Variants in DNAJB13 observed in about 807,000 individuals in gnomAD.
The protein encoded by DNAJB13 is DnaJ heat shock protein family (Hsp40) member B13.
A neutral mutation model predicts 35.6 loss-of-function variants in DNAJB13; 22 were observed. The observed-to-expected ratio is 0.62, with a 90% CI of 0.44 to 0.88. The LOEUF is 0.88. Among genes scored for constraint, DNAJB13 ranks in the 40% least tolerant of loss-of-function variants. The pLI is 0.00. For synonymous variants in DNAJB13, 136 were observed against 144.2 expected, an observed-to-expected ratio of 0.94 and a Z score of 0.41; for missense variants, 370 against 384.3, an observed-to-expected ratio of 0.96 and a Z score of 0.31.
rs1951108953 is a variant in DNAJB13, at chr11:73,966,153, G to C, written c.508G>C (p.Gly170Arg). The C allele has an allele frequency of 2.5e-6, 4 of 1,613,292 alleles. No homozygotes were observed. The highest frequency in any genetic ancestry group is 1.7e-6 in the Non-Finnish European group (2 of 1,179,764). Residue 170 changes from glycine to arginine, a missense_variant, in exon 5 of 8, where the codon GGG (glycine) becomes CGG (arginine). Gly to Arg is a moderately radical substitution (Grantham distance 125). Transcript: ENST00000339764. ...GTTGCTATAGGTGCTGAACGAGGAT[G>C]GGTACTCCTCCACCATCAAGGACAA... Reference protein sequence around the residue: ...KISRRVLNEDGYSSTIKDKIL... With the variant: ...KISRRVLNEDRYSSTIKDKIL...
At chr11:73,951,793 T>A (rs566824643) in intron 1 of DNAJB13, among the ~76,000 whole-genome samples, 5 of 152,222 alleles carry the variant, frequency 3.3e-5, no homozygotes, top group Admixed American at 2.0e-4. Context: ...ATTACAGGCA[T>A]GCACCACCAT....
rs1554992102 is a variant in DNAJB13, at chr11:73,964,815, G to GCGCGCGCC, written c.335-56_335-55insCCGCGCGC. On this transcript the variant is annotated intron_variant, in intron 3 of 7. Transcript: ENST00000339764. ...TGTGTGTGTGTGTGTGTGTGTGTGC[G>GCGCGCGCC]CGCGCGCGCATGTCTGGGTCTCTGG... 3.8e-3 allele frequency: 3,739 copies of GCGCGCGCC among 972,898 alleles called. 58 individuals are homozygous for GCGCGCGCC. Among genetic ancestry groups the GCGCGCGCC allele is most frequent in the African/African-American group, 0.023 (1,147 of 50,942 alleles). The allele number at this position is 972,898 out of a possible 1,614,324, so 60.3% of individuals were successfully genotyped here. A position where few individuals can be genotyped will look rare whatever the true frequency, so the allele number is the denominator to read the frequency against.
chr11:73,964,765 C>CTGTCTGTG (rs1951033400), intron 3 of DNAJB13, 113 bp from the exon 4 acceptor site: 1 of 613,414 alleles, frequency 1.6e-6, no homozygotes, highest in African/African-American at 2.4e-5. Flanking sequence ...GATAGGGAGG[C>CTGTCTGTG]TGTGTGTGTG....
At chr11:73,959,763 A>T in intron 3 of DNAJB13, 108 bp downstream of exon 3, 1 of 960,590 alleles carries the variant, frequency 1.0e-6, no homozygotes. Context: ...ATTTTATTTT[A>T]TTTACTTATT....
intron 2 of DNAJB13, 36 bp downstream of exon 2, chr11:73,958,456 A>G: frequency 1.3e-6 from 2 of 1,583,484 alleles, no homozygotes; most frequent in Non-Finnish European, 1.7e-6. Context: ...CCGCTTGATT[A>G]GGATCATTCC....
At chr11:73,955,477 T>C (rs1950714653) in intron 1 of DNAJB13, among the ~76,000 whole-genome samples, 1 of 151,916 alleles carries the variant, frequency 6.6e-6, no homozygotes, top group South Asian at 2.1e-4. Flanking sequence ...CCCGGCTAAT[T>C]TTTTTATTTT....
rs75960440 is a variant in DNAJB13 at position 73,968,587 on chromosome 11, T to C, written c.720+129T>C. 9.9e-3 allele frequency: 7,090 copies of C among 719,132 alleles called. 411 individuals are homozygous for C. In the African/African-American group the frequency reaches 0.11, roughly 11 times the overall value. 44.5% of individuals were successfully genotyped at this position (719,132 alleles called of 1,614,324 possible). A position where few individuals can be genotyped will look rare whatever the true frequency, so the allele number is the denominator to read the frequency against. ...ACTAAGCCCTGTGGATTCCACCCTC[T>C]AAATCACCATCCACTTGGTCCCGTC... On this transcript the variant is annotated intron_variant, in intron 6 of 7. Transcript: ENST00000339764.
intron 1 of DNAJB13, among the ~76,000 whole-genome samples, chr11:73,952,916 A>T (rs1950622283): frequency 6.6e-6 from 1 of 152,216 alleles, no homozygotes; most frequent in South Asian, 2.1e-4. Context: ...TTGCATGTGA[A>T]ACCATGTCAT....
At chr11:73,968,067 T>G (rs1243019233) in intron 5 of DNAJB13, 1 of 501,146 alleles carries the variant, frequency 2.0e-6, no homozygotes, top group East Asian at 3.1e-5. Flanking sequence ...GTGTTCCACC[T>G]GCCTGCCGTC....
chr11:73,961,455 C>A (rs1950929291), intron 3 of DNAJB13, among the ~76,000 whole-genome samples: 1 of 152,172 alleles, frequency 6.6e-6, no homozygotes, highest in Non-Finnish European at 1.5e-5. Flanking sequence ...CCGTTGCATT[C>A]CAGAGCACAC....
chr11:73,964,765 CTGTGTGTGTGTGTGTGTG>C lies in DNAJB13; in HGVS notation c.335-82_335-65del, dbSNP rs3222042. ...TGGGGAGCATATCTGGATAGGGAGG[CTGTGTGTGTGTGTGTGTG>C]TGTGTGTGTGTGTGTGTGTGTGTGT... On this transcript the variant is annotated intron_variant, in intron 3 of 7. Transcript: ENST00000339764. 2.0e-4 allele frequency: 134 copies of C among 659,718 alleles called. 2 individuals are homozygous for C. The highest frequency in any genetic ancestry group is 6.9e-4 in the East Asian group (20 of 28,966). The allele number at this position is 659,718 out of a possible 1,614,324, so 40.9% of individuals were successfully genotyped here.
In DNAJB13 at chr11:73,958,427, A is replaced by T. The variant is rs1482334710; in HGVS notation, c.172+7A>T. 6.2e-7 allele frequency: 1 copy of T among 1,613,548 alleles called. No homozygotes were observed. On this transcript the variant is annotated splice_region_variant and intron_variant, in intron 2 of 7. Transcript: ENST00000339764. ...TACGACGTGCTGAGTGACCGTGAGT[A>T]GGTGTGGGGCTGAGCACCCCGCTTG... is the stretch of plus-strand genomic sequence containing the variant.
chr11:73,968,773 C>G (rs1951197594), intron 6 of DNAJB13, among the ~76,000 whole-genome samples: 1 of 152,206 alleles, frequency 6.6e-6, no homozygotes, highest in African/African-American at 2.4e-5. Context: ...TGGAGGCCCT[C>G]TGCGATCTGC....
intron 5 of DNAJB13, chr11:73,968,074 C>T (rs972629311): frequency 5.8e-5 from 29 of 496,578 alleles, no homozygotes; most frequent in African/African-American, 3.9e-4. Flanking sequence ...ACCTGCCTGC[C>T]GTCTGAGGAA....
At chr11:73,959,372 G>T in intron 2 of DNAJB13, 122 bp from the exon 3 acceptor site, 2 of 1,114,612 alleles carry the variant, frequency 1.8e-6, no homozygotes, top group South Asian at 1.8e-5. Context: ...CCAGACAGCA[G>T]GCACTTTGGG....
chr11:73,966,845 ATTTTTTTTTTTT>A (rs770257573), intron 5 of DNAJB13, among the ~76,000 whole-genome samples: 1 of 98,242 alleles, frequency 1.0e-5, no homozygotes, highest in East Asian at 2.7e-4. Context: ...CGCCCAGCTA[ATTTTTTTTTTTT>A]TTTTTTTTTT....
Position 73,969,331 on chromosome 11 carries a change from A to G in DNAJB13, c.797+9A>G. Reference sequence around the variant, plus strand: ...ATCAATGACATCATCCAGTGAGTCCATCTGCCTTGGGCCCCAGTAGCCAAG... The same window carrying G: ...ATCAATGACATCATCCAGTGAGTCCGTCTGCCTTGGGCCCCAGTAGCCAAG... On this transcript the variant is annotated intron_variant, in intron 7 of 7. Coordinates refer to ENST00000339764, the MANE Select transcript of DNAJB13 (RefSeq NM_153614.4). 1 of 872,200 alleles carries G rather than the reference A, an allele frequency of 1.1e-6. No individual in the cohort carries two copies. Among genetic ancestry groups the G allele is most frequent in the East Asian group, 2.4e-5 (1 of 41,668 alleles). The allele number at this position is 872,200 out of a possible 1,614,324, so 54.0% of individuals were successfully genotyped here. A position where few individuals can be genotyped will look rare whatever the true frequency, so the allele number is the denominator to read the frequency against.
chr11:73,966,040 G>A (rs1233388626), intron 4 of DNAJB13, 98 bp from the exon 5 acceptor site: 2 of 1,109,430 alleles, frequency 1.8e-6, no homozygotes, highest in Non-Finnish European at 1.3e-6. Flanking sequence ...TTTCACGTGT[G>A]CAAAGGTCAC....
intron 3 of DNAJB13, 66 bp from the exon 4 acceptor site, chr11:73,964,812 T>TGTGTGTGTGTGCGCGCGCGCGC (rs1491290663): frequency 1.5e-6 from 1 of 656,216 alleles, no homozygotes; most frequent in African/African-American, 2.3e-5. Context: ...TGTGTGTGTG[T>TGTGTGTGTGTGCGCGCGCGCGC]GCGCGCGCGC....
Sources: gnomAD v4.1 joint callset for allele counts (sites outside exome capture counted in the v4.1 genomes callset) on GRCh38, gnomAD v4.1.1 for gene constraint, MANE v1.5 for transcripts, NCBI Gene and HGNC (gene_info 2026-07-23, HGNC 2026-07-21) for gene names.